Variants in KDM4B observed in about 807,000 individuals in gnomAD.
KDM4B encodes lysine demethylase 4B.
A neutral mutation model predicts 125.2 loss-of-function variants in KDM4B; 32 were observed. That is an observed-to-expected ratio of 0.26 (90% confidence interval 0.19 to 0.34). The LOEUF is 0.34. Ranked by LOEUF, KDM4B falls within the 10% of genes least tolerant of loss-of-function variation. The pLI is 1.00. For missense variants in KDM4B, 1,190 were observed against 1,577.7 expected (o/e 0.75, Z 4.16); for synonymous variants, 721 against 677.9 (o/e 1.06, Z -0.99).
At chr19:5,097,375 C>T (rs543299589) in intron 9 of KDM4B, among the ~76,000 whole-genome samples, 6 of 152,292 alleles carry the variant, frequency 3.9e-5, no homozygotes, top group East Asian at 3.9e-4. Flanking sequence ...CTCAGCCTCC[C>T]GGGTAGCTGG....
intron 9 of KDM4B, among the ~76,000 whole-genome samples, chr19:5,101,689 C>T (rs11669273): frequency 0.11 from 16,004 of 149,888 alleles, 1,166 homozygotes; most frequent in East Asian, 0.23. Flanking sequence ...CGGGGAGGGC[C>T]TCACTTGTTG....
intron 9 of KDM4B, among the ~76,000 whole-genome samples, chr19:5,108,641 G>A (rs1233191475): frequency 6.6e-6 from 1 of 152,226 alleles, no homozygotes; most frequent in Non-Finnish European, 1.5e-5. Flanking sequence ...GTTGAATTAA[G>A]TCTTTCCCTT....
chr19:5,019,522 G>C (rs1215975080), intron 2 of KDM4B, among the ~76,000 whole-genome samples: 2 of 148,358 alleles, frequency 1.3e-5, no homozygotes, highest in South Asian at 4.4e-4. Flanking sequence ...GGGTGTTGGT[G>C]TGCACGTATT....
At chr19:5,077,033 G>A (rs916289442) in intron 7 of KDM4B, 3 of 323,790 alleles carry the variant, frequency 9.3e-6, no homozygotes, top group African/African-American at 6.4e-5. Context: ...TCCTTCCCCT[G>A]GTGAGGAGGC....
intron 20 of KDM4B, 108 bp from the exon 21 acceptor site, chr19:5,144,675 G>T: frequency 6.7e-7 from 1 of 1,492,070 alleles, no homozygotes; most frequent in Non-Finnish European, 9.1e-7. Context: ...CAGCTTTGGG[G>T]CTTCAGGCAG....
At chr19:5,040,790 C>CCAGCCCCCTAGTCTGT (rs1320787239) in intron 4 of KDM4B, among the ~76,000 whole-genome samples, 1 of 152,170 alleles carries the variant, frequency 6.6e-6, no homozygotes, top group African/African-American at 2.4e-5. Flanking sequence ...CCCGGCCTTC[C>CCAGCCCCCTAGTCTGT]CAGCCCCCTA....
At chr19:4,995,252 G>T (rs1033915705) in intron 1 of KDM4B, among the ~76,000 whole-genome samples, 3 of 152,030 alleles carry the variant, frequency 2.0e-5, no homozygotes, top group Non-Finnish European at 4.4e-5. Context: ...AAACTGATGA[G>T]TTTGTAGCCC....
chr19:5,133,168 G>A (rs1206964749), intron 13 of KDM4B, among the ~76,000 whole-genome samples: 2 of 152,246 alleles, frequency 1.3e-5, no homozygotes, highest in Non-Finnish European at 2.9e-5. Flanking sequence ...GACGTGGGGA[G>A]ATTGGGGTGC....
chr19:5,134,081 G>A lies in KDM4B; in HGVS notation c.2085+20G>A, dbSNP rs948178260. 6.4e-6 allele frequency: 10 copies of A among 1,571,032 alleles called. No homozygotes were observed. The highest frequency in any genetic ancestry group is 1.8e-4 in the Middle Eastern group (1 of 5,472). Reference sequence around the variant, plus strand: ...TGCCAGGTGGGCAGGCGGGCCTCACGGGTCCCAGAGAACCCCAGGCAGGGG... The same window carrying A: ...TGCCAGGTGGGCAGGCGGGCCTCACAGGTCCCAGAGAACCCCAGGCAGGGG... On this transcript the variant is annotated intron_variant, in intron 14 of 22. Coordinates refer to ENST00000159111, the MANE Select transcript of KDM4B (RefSeq NM_015015.3).
intron 10 of KDM4B, chr19:5,119,015 G>A: frequency 1.5e-6 from 1 of 677,910 alleles, no homozygotes; most frequent in Non-Finnish European, 2.6e-6. Context: ...GCTGCAGAGA[G>A]AGGACCCAGG....
chr19:5,097,971 C>T (rs1208994841), intron 9 of KDM4B, among the ~76,000 whole-genome samples: 2 of 152,188 alleles, frequency 1.3e-5, no homozygotes, highest in African/African-American at 2.4e-5. Context: ...AAATGTCAGT[C>T]GGGAGCTGTC....
chr19:5,009,627 C>T (rs987176136), intron 1 of KDM4B, among the ~76,000 whole-genome samples: 15 of 152,208 alleles, frequency 9.9e-5, no homozygotes, highest in African/African-American at 7.2e-5. Flanking sequence ...TAGCACAGAG[C>T]GTTCCTGTGT....
At chr19:5,046,635 G>T (rs2037035458) in intron 5 of KDM4B, among the ~76,000 whole-genome samples, 1 of 152,340 alleles carries the variant, frequency 6.6e-6, no homozygotes, top group South Asian at 2.1e-4. Context: ...GACAGGACGG[G>T]GTTTGTTTGC....
At chr19:5,110,576 C>T (rs1181360845) in intron 9 of KDM4B, 46 bp from the exon 10 acceptor site, 2 of 1,600,824 alleles carry the variant, frequency 1.2e-6, no homozygotes, top group Non-Finnish European at 8.5e-7. Context: ...GTGGAGCCAG[C>T]CGTCCAGGTG....
Position 5,081,541 on chromosome 19 carries a change from C to T in KDM4B, c.781-826C>T, listed in dbSNP as rs2038294140. Among the ~76,000 whole-genome samples, 1 of 152,126 alleles carries T rather than the reference C, an allele frequency of 6.6e-6. No individual in the cohort carries two copies. The highest frequency in any genetic ancestry group is 2.1e-4 in the South Asian group (1 of 4,830). On this transcript the variant is annotated intron_variant, in intron 8 of 22. Coordinates refer to ENST00000159111, the MANE Select transcript of KDM4B (RefSeq NM_015015.3). This position sits in a 1 kb window ranked among gnomAD's most constrained non-coding sequence, Gnocchi z 4.2. Reference sequence around the variant, plus strand: ...GGGTCATTGTGGGCCCCACCCCAGCCACGCACGCCTCGGCTCCTCAGTTTA... The same window carrying T: ...GGGTCATTGTGGGCCCCACCCCAGCTACGCACGCCTCGGCTCCTCAGTTTA...
chr19:5,130,378 A>G (rs187323760), intron 11 of KDM4B, among the ~76,000 whole-genome samples: 1 of 151,386 alleles, frequency 6.6e-6, no homozygotes, highest in East Asian at 1.9e-4. Context: ...TCCTGGCCCC[A>G]AAGTAAAATG....
chr19:5,041,134 C>G lies in KDM4B; in HGVS notation c.318-3C>G. ...AGCTGGTTTTGGGGTGTTTGTTCAC[C>G]AGGTACTGTACCCCGCGGCACCAGG... On this transcript the variant is annotated splice_region_variant and splice_polypyrimidine_tract_variant and intron_variant, in intron 4 of 22. Transcript: ENST00000159111. The G allele has an allele frequency of 6.2e-7, 1 of 1,602,926 alleles. No homozygotes were observed. The highest frequency in any genetic ancestry group is 8.5e-7 in the Non-Finnish European group (1 of 1,170,668).
chr19:5,030,012 G>T, intron 2 of KDM4B, among the ~76,000 whole-genome samples: 1 of 152,230 alleles, frequency 6.6e-6, no homozygotes, highest in Non-Finnish European at 1.5e-5. Context: ...TTTGTCACCT[G>T]ACACTGCAGG....
intron 13 of KDM4B, among the ~76,000 whole-genome samples, chr19:5,133,646 C>T (rs577770283): frequency 3.3e-5 from 5 of 152,314 alleles, no homozygotes; most frequent in East Asian, 1.9e-4. Context: ...TGGCAGTCAG[C>T]CGAGACAGAC....
Sources: gnomAD v4.1 joint callset for allele counts (sites outside exome capture counted in the v4.1 genomes callset) on GRCh38, gnomAD v4.1.1 for gene constraint, Gnocchi (gnomAD v3.1) non-coding constraint, MANE v1.5 for transcripts, NCBI Gene and HGNC (gene_info 2026-07-23, HGNC 2026-07-21) for gene names.